LMO7: variants seen among roughly 807,000 people sequenced by gnomAD.
LMO7 encodes the protein LIM domain 7.
LMO7 carries 120 observed loss-of-function variants against 206.5 expected under a neutral mutation model. The ratio of observed to expected loss-of-function variants is 0.58; its 90% confidence interval spans 0.50 to 0.68. The LOEUF (loss-of-function observed/expected upper bound fraction) is 0.68. LMO7 is among the 30% of genes least tolerant of loss of function. The probability of loss-of-function intolerance (pLI) is 0.00; values close to 1 mark genes in which losing one functional copy is unlikely to be tolerated. For synonymous variants in LMO7, 706 were observed against 681.5 expected (o/e 1.04, Z -0.56); for missense variants, 1,959 against 1,957.9 (o/e 1.00, Z -0.01).
intron 2 of LMO7, among the ~76,000 whole-genome samples, chr13:75,724,586 A>G (rs977457825): frequency 2.0e-5 from 3 of 152,148 alleles, no homozygotes; most frequent in Admixed American, 6.6e-5. Flanking sequence ...TCCATAGATG[A>G]TACTTGTTTT....
At chr13:75,666,081 G>C (rs1212280357) in intron 1 of LMO7, among the ~76,000 whole-genome samples, 1 of 152,218 alleles carries the variant, frequency 6.6e-6, no homozygotes, top group Non-Finnish European at 1.5e-5. Context: ...CTTGGAGTCA[G>C]AGGAAACTTT....
At chr13:75,705,777 C>A (rs2042606748) in intron 1 of LMO7, among the ~76,000 whole-genome samples, 1 of 151,704 alleles carries the variant, frequency 6.6e-6, no homozygotes, top group African/African-American at 2.4e-5. Flanking sequence ...AATGAGTTCA[C>A]ATTTAAAGTG....
chr13:75,735,547 C>T (rs761964386), intron 3 of LMO7, among the ~76,000 whole-genome samples: 8 of 152,032 alleles, frequency 5.3e-5, no homozygotes, highest in Non-Finnish European at 1.0e-4. Context: ...CTGCAAACTC[C>T]GCCTTCTGGG....
intron 29 of LMO7, among the ~76,000 whole-genome samples, chr13:75,856,193 C>A (rs1159903483): frequency 2.0e-5 from 3 of 152,272 alleles, no homozygotes; most frequent in East Asian, 3.9e-4. Context: ...TCATGGGGGG[C>A]CTTACCTGCC....
At chr13:75,695,145 C>T (rs1005293452) in intron 1 of LMO7, among the ~76,000 whole-genome samples, 7 of 152,180 alleles carry the variant, frequency 4.6e-5, no homozygotes, top group African/African-American at 1.7e-4. Flanking sequence ...TACTTGTAGG[C>T]TAGAAGGCAG....
chr13:75,819,428 C>T lies in LMO7; in HGVS notation c.2100C>T (p.Tyr700=). ...AATGGAAAGATCGTCGAAAAAGTTA[C>T]ACTTCAGATCTGCAGAAGAAAAAAG... ...LAKWKDRRKS[Y]TSDLQKKKEE... Residue 700 remains tyrosine (Y), a synonymous_variant, in exon 13 of 31, where the codon TAC becomes TAT. Coordinates refer to ENST00000377534, the MANE Select transcript of LMO7 (RefSeq NM_001306080.2). 1 of 1,610,058 alleles carries T rather than the reference C, an allele frequency of 6.2e-7. No individual in the cohort carries two copies. The highest frequency in any genetic ancestry group is 8.5e-7 in the Non-Finnish European group (1 of 1,178,964).
At chr13:75,786,824 A>G (rs894842640) in intron 4 of LMO7, among the ~76,000 whole-genome samples, 2 of 152,140 alleles carry the variant, frequency 1.3e-5, no homozygotes, top group African/African-American at 4.8e-5. Flanking sequence ...TTACCAATTT[A>G]CCTACTCAAC....
chr13:75,805,979 C>T, intron 9 of LMO7: 1 of 1,113,806 alleles, frequency 9.0e-7, no homozygotes, highest in Non-Finnish European at 1.2e-6. Flanking sequence ...CATAGCACGG[C>T]ATTATTTTTA....
At chr13:75,711,268 G>A (rs1410638023) in intron 1 of LMO7, among the ~76,000 whole-genome samples, 1 of 152,014 alleles carries the variant, frequency 6.6e-6, no homozygotes, top group African/African-American at 2.4e-5. Context: ...CTCTTTTTTG[G>A]TTGTGTCTCT....
At chr13:75,671,453 C>T (rs2039572713) in intron 1 of LMO7, among the ~76,000 whole-genome samples, 1 of 152,142 alleles carries the variant, frequency 6.6e-6, no homozygotes, top group Admixed American at 6.5e-5. Flanking sequence ...CTTGTAGTCT[C>T]ATGAGTCCAC....
In LMO7 at chr13:75,821,546, G is replaced by C; in HGVS notation, c.2577G>C (p.Val859=). ...CTGATACAGTCAGGTTAACATCTGT[G>C]GTCACACCAAGACCCTTTGGCTCTC... is the stretch of plus-strand genomic sequence containing the variant. ...RKTDTVRLTS[V]VTPRPFGSQT... The change falls in exon 14 of 31, where the codon GTG becomes GTC. Residue 859 remains valine, a synonymous_variant. Transcript: ENST00000377534. 6.2e-7 allele frequency: 1 copy of C among 1,613,926 alleles called. No individual in the cohort carries two copies. The highest frequency in any genetic ancestry group is 2.2e-5 in the East Asian group (1 of 44,866).
At chr13:75,812,617 G>C (rs1475702915) in intron 11 of LMO7, among the ~76,000 whole-genome samples, 3 of 152,134 alleles carry the variant, frequency 2.0e-5, no homozygotes, top group East Asian at 3.8e-4. Flanking sequence ...AAAGTGACAG[G>C]AGCATAGTAG....
At chr13:75,786,346 C>A (rs534648827) in intron 4 of LMO7, among the ~76,000 whole-genome samples, 4 of 151,780 alleles carry the variant, frequency 2.6e-5, no homozygotes, top group African/African-American at 9.7e-5. Flanking sequence ...GGTTCAATCC[C>A]TGGACCACTT....
At chr13:75,743,918 T>C (rs1203685628) in intron 3 of LMO7, among the ~76,000 whole-genome samples, 2 of 152,220 alleles carry the variant, frequency 1.3e-5, no homozygotes, top group Non-Finnish European at 2.9e-5. Flanking sequence ...TTAAGTAATT[T>C]TTTTGTAATG....
chr13:75,685,472 G>A (rs1232199928), intron 1 of LMO7, among the ~76,000 whole-genome samples: 1 of 152,194 alleles, frequency 6.6e-6, no homozygotes, highest in Non-Finnish European at 1.5e-5. Context: ...GCCTGGCAAT[G>A]CATTTTAATC....
intron 4 of LMO7, among the ~76,000 whole-genome samples, 155 bp from the exon 5 acceptor site, chr13:75,795,243 ATTC>A (rs751258822): frequency 2.6e-5 from 4 of 152,218 alleles, no homozygotes; most frequent in African/African-American, 7.2e-5. Flanking sequence ...ATATGGAAAA[ATTC>A]TTCTGATGGA....
chr13:75,664,124 C>T (rs576539392), intron 1 of LMO7, among the ~76,000 whole-genome samples: 3 of 152,216 alleles, frequency 2.0e-5, no homozygotes, highest in Non-Finnish European at 4.4e-5. Context: ...CCCACTTCCC[C>T]GTCACCACTC....
At chr13:75,687,027 T>A (rs890823798) in intron 1 of LMO7, among the ~76,000 whole-genome samples, 2 of 152,164 alleles carry the variant, frequency 1.3e-5, no homozygotes, top group African/African-American at 4.8e-5. Context: ...ACTGTCACAT[T>A]GAGGGTTAGG....
In LMO7 at chr13:75,623,450, G is replaced by C. The variant is rs530809223; in HGVS notation, c.225+130G>C. 11 of 581,490 alleles carry C rather than the reference G, an allele frequency of 1.9e-5. No individual in the cohort carries two copies. In the African/African-American group the frequency reaches 2.0e-4, roughly 11 times the overall value. The allele number at this position is 581,490 out of a possible 1,614,324, so 36.0% of individuals were successfully genotyped here. Reference sequence around the variant, plus strand: ...GCCATCTAGGGTCACTGCAACCTCTGCCTCCCGGGTTCAAGTGATTCTCGT... The same window carrying C: ...GCCATCTAGGGTCACTGCAACCTCTCCCTCCCGGGTTCAAGTGATTCTCGT... On this transcript the variant is annotated intron_variant, in intron 2 of 29. Transcript: ENST00000341547.
Sources: gnomAD v4.1 joint callset for allele counts (sites outside exome capture counted in the v4.1 genomes callset) on GRCh38, gnomAD v4.1.1 for gene constraint, MANE v1.5 for transcripts, NCBI Gene and HGNC (gene_info 2026-07-23, HGNC 2026-07-21) for gene names.